MASP2: variants seen among roughly 807,000 people sequenced by gnomAD.
MASP2 encodes the protein MBL associated serine protease 2, also known as mannan-binding lectin serine protease 2.
Under a neutral mutation model 57.1 loss-of-function variants are expected in MASP2, and 49 were observed. That is an observed-to-expected ratio of 0.86 (90% confidence interval 0.68 to 1.09). The LOEUF is 1.09. MASP2 is among the 50% of genes least tolerant of loss of function. MASP2 has a pLI of 0.00. For missense variants in MASP2, 900 were observed against 874.8 expected (o/e 1.03, Z -0.36); for synonymous variants, 379 against 340.8 (o/e 1.11, Z -1.24).
Position 11,045,455 on chromosome 1 carries a change from G to C in MASP2, c.497C>G (p.Ser166Cys). ...CHNHLGGFYC[S>C]CRAGYVLHRN... is the part of the protein sequence containing the mutation. The stretch of plus-strand genomic sequence containing the variant: ...GTGCAGGACGTAGCCTGCGCGGCAG[G>C]AGCAGTAGAAACCGCCCAGGTGGTT... The change falls in exon 4 of 11, where the codon TCC becomes TGC. Residue 166 changes from serine to cysteine, a missense_variant. Transcript: ENST00000400897. The C allele has an allele frequency of 6.2e-7, 1 of 1,613,276 alleles. No homozygotes were observed. The highest frequency in any genetic ancestry group is 1.3e-5 in the African/African-American group (1 of 75,042).
At chr1:11,028,988 T>G (rs1029776205) in intron 10 of MASP2, among the ~76,000 whole-genome samples, 6 of 147,020 alleles carry the variant, frequency 4.1e-5, no homozygotes, top group African/African-American at 1.3e-4. Context: ...GCTGACTTTT[T>G]TTTTCTTTTT....
intron 8 of MASP2, among the ~76,000 whole-genome samples, chr1:11,031,631 C>G (rs1411208709): frequency 6.7e-6 from 1 of 149,234 alleles, no homozygotes; most frequent in Non-Finnish European, 1.5e-5. Context: ...GAAAAGGACA[C>G]GATAGTAAGA....
intron 4 of MASP2, chr1:11,044,919 AGGCCG>A: frequency 6.2e-7 from 1 of 1,604,526 alleles, no homozygotes; most frequent in Non-Finnish European, 8.5e-7. Flanking sequence ...CCTGCTGGGC[AGGCCG>A]GAGCTCCAGG....
intron 4 of MASP2, chr1:11,044,774 A>AACCC: frequency 3.5e-5 from 39 of 1,124,160 alleles, no homozygotes; most frequent in East Asian, 4.4e-5. Context: ...CGACCCTCCC[A>AACCC]CCCCAGAGAC....
Position 11,030,838 on chromosome 1 carries a change from C to G in MASP2, c.1132G>C (p.Glu378Gln). 1 of 1,613,910 alleles carries G rather than the reference C, an allele frequency of 6.2e-7. No individual in the cohort carries two copies. Among genetic ancestry groups the G allele is most frequent in the African/African-American group, 1.3e-5 (1 of 75,020 alleles). ...PPDDLPSGRV[E>Q]YITGPGVTTY... ...GTCACTCCAGGACCTGTGATGTACT[C>G]CACTCGGCCACTGGGTAGATCATCA... The change falls in exon 9 of 11, where the codon GAG becomes CAG. Residue 378 changes from glutamate (E) to glutamine (Q), a missense_variant. Coordinates refer to ENST00000400897, the MANE Select transcript of MASP2 (RefSeq NM_006610.4).
In MASP2 at chr1:11,046,423, T is replaced by C. The variant is rs1638639458; in HGVS notation, c.412+133A>G. On this transcript the variant is annotated intron_variant, in intron 3 of 10. Transcript: ENST00000400897. ...GTTTTGGTCTTTGCATTGTGGATGA[T>C]GTCAGGCCAGAGGCCTCTCCCCTGC... 5 of 969,988 alleles carry C rather than the reference T, an allele frequency of 5.2e-6. No homozygotes were observed. The Admixed American group carries it at 1.0e-4, about 20-fold the overall frequency. The allele number at this position is 969,988 out of a possible 1,614,324, so 60.1% of individuals were successfully genotyped here. A position where few individuals can be genotyped will look rare whatever the true frequency, so the allele number is the denominator to read the frequency against.
At position 11,046,924 on chromosome 1, in the gene MASP2, C is replaced by A; in HGVS notation, c.201G>T (p.Glu67Asp). The change falls in exon 2 of 11, where the codon GAG (glutamate) becomes GAT (aspartate). Residue 67 changes from glutamate to aspartate, a missense_variant. Physicochemically the swap from Glu to Asp is conservative, Grantham distance 45 (BLOSUM62 2). Coordinates refer to ENST00000400897, the MANE Select transcript of MASP2 (RefSeq NM_006610.4). The part of the protein sequence containing the change: ...LRLYFTHFDL[E>D]LSHLCEYDFV... ...AGTCGTACTCGCAGAGGTGGGAGAG[C>A]TCCAGGTCGAAGTGGGTGAAGTAGA... is the stretch of plus-strand genomic sequence containing the variant. 6.4e-7 allele frequency: 1 copy of A among 1,572,374 alleles called. No individual in the cohort carries two copies. The highest frequency in any genetic ancestry group is 8.6e-7 in the Non-Finnish European group (1 of 1,158,600).
Position 11,027,018 on chromosome 1 carries a change from T to G in MASP2, c.1928A>C (p.Glu643Ala), listed in dbSNP as rs1643745418. ...SGGALVFLDS[E>A]TERWFVGGIV... is the part of the protein sequence containing the mutation. ...TCCTCCCACAAACCACCTCTCTGTT[T>G]CACTATCTAGAAACACCAGTGCCCC... Residue 643 changes from glutamate to alanine, a missense_variant, in exon 11 of 11, where the codon GAA becomes GCA. Glu to Ala is a moderately radical substitution (Grantham distance 107). Coordinates refer to ENST00000400897, the MANE Select transcript of MASP2 (RefSeq NM_006610.4). 3 of 1,598,934 alleles carry G rather than the reference T, an allele frequency of 1.9e-6. No homozygotes were observed. The highest frequency in any genetic ancestry group is 2.7e-5 in the African/African-American group (2 of 74,508).
At chr1:11,041,580 G>C (rs1355414045) in intron 6 of MASP2, among the ~76,000 whole-genome samples, 1 of 123,056 alleles carries the variant, frequency 8.1e-6, no homozygotes, top group Non-Finnish European at 1.7e-5. Flanking sequence ...GAATAAGTGG[G>C]TGGGTGGGTG....
At chr1:11,044,777 CCAG>C in intron 4 of MASP2, 1 of 1,402,712 alleles carries the variant, frequency 7.1e-7, no homozygotes, top group Non-Finnish European at 9.5e-7. Flanking sequence ...CCCTCCCACC[CCAG>C]AGACACGTGG....
At chr1:11,040,338 G>T (rs1006345222) in intron 6 of MASP2, among the ~76,000 whole-genome samples, 20 of 151,574 alleles carry the variant, frequency 1.3e-4, no homozygotes, top group African/African-American at 4.1e-4. Context: ...GCATGGTGGC[G>T]CATGCCTGTA....
Position 11,045,556 on chromosome 1 carries a change from G to T in MASP2, c.413-17C>A, listed in dbSNP as rs1570757558. Reference sequence around the variant, plus strand: ...CGTCAATGTCTGGGGGAGAGGCAGGGCCAGGCAGGCCGTCAGGAGGGAAAG... The same window carrying T: ...CGTCAATGTCTGGGGGAGAGGCAGGTCCAGGCAGGCCGTCAGGAGGGAAAG... On this transcript the variant is annotated splice_polypyrimidine_tract_variant and intron_variant, in intron 3 of 10. Transcript: ENST00000400897. 3.1e-6 allele frequency: 5 copies of T among 1,596,118 alleles called. No individual in the cohort carries two copies. The East Asian group carries it at 1.1e-4, about 36-fold the overall frequency.
chr1:11,030,595 CT>C, intron 9 of MASP2, 152 bp downstream of exon 9: 1 of 821,642 alleles, frequency 1.2e-6, no homozygotes, highest in Non-Finnish European at 1.8e-6. Context: ...ATTAAAGTCA[CT>C]TTAGCTATAA....
rs1299530848 is a variant in MASP2 at position 11,027,251 on chromosome 1, A to G, written c.1695T>C (p.Asp565=). The G allele has an allele frequency of 3.7e-6, 6 of 1,614,190 alleles. No homozygotes were observed. The highest frequency in any genetic ancestry group is 4.2e-6 in the Non-Finnish European group (5 of 1,180,040). The change falls in exon 11 of 11, where the codon GAT becomes GAC. Residue 565 remains aspartate (D), a synonymous_variant. Coordinates refer to ENST00000400897, the MANE Select transcript of MASP2 (RefSeq NM_006610.4). Reference sequence around the variant, plus strand: ...CCCATCCAGATGCAGTTCCAATGTCATCTGTCCTCATAAAGGATTCAGCTT... The same window carrying G: ...CCCATCCAGATGCAGTTCCAATGTCGTCTGTCCTCATAAAGGATTCAGCTT... ...RKEAESFMRT[D]DIGTASGWGL...
At chr1:11,037,574 C>A in intron 7 of MASP2, 119 bp downstream of exon 7, 1 of 637,072 alleles carries the variant, frequency 1.6e-6, no homozygotes, top group Non-Finnish European at 2.6e-6. Context: ...TAAAGATAGA[C>A]AAAAGAAATC....
intron 6 of MASP2, among the ~76,000 whole-genome samples, chr1:11,040,945 A>C (rs1638406491): frequency 1.4e-5 from 2 of 146,028 alleles, no homozygotes; most frequent in South Asian, 4.5e-4. Flanking sequence ...GTGGGTAGAT[A>C]GATAGCTGGA....
At chr1:11,044,789 G>GCT in intron 4 of MASP2, 1 of 1,338,856 alleles carries the variant, frequency 7.5e-7, no homozygotes, top group Non-Finnish European at 9.9e-7. Context: ...AGAGACACGT[G>GCT]GCAGCAGGTG....
Position 11,026,667 on chromosome 1 carries a change from T to TGTA in MASP2, c.*217_*218insTAC. 4 of 382,720 alleles carry TGTA rather than the reference T, an allele frequency of 1.0e-5. No homozygotes were observed. The highest frequency in any genetic ancestry group is 1.4e-5 in the Non-Finnish European group (3 of 216,436). 23.7% of individuals were successfully genotyped at this position (382,720 alleles called of 1,614,324 possible). ...TACACTGGGTGGGCAAAGATGACTG[T>TGTA]CACTCTCGTGGTTTATGTCCCCTTG... On this transcript the variant is annotated 3_prime_UTR_variant, in exon 11 of 11. Transcript: ENST00000400897.
intron 4 of MASP2, chr1:11,045,207 G>C: frequency 1.2e-6 from 1 of 824,838 alleles, no homozygotes; most frequent in Non-Finnish European, 2.0e-6. Flanking sequence ...AGTCTCAGTC[G>C]CTAGGGCAGG....
Sources: gnomAD v4.1 joint callset for allele counts (sites outside exome capture counted in the v4.1 genomes callset) on GRCh38, gnomAD v4.1.1 for gene constraint, MANE v1.5 for transcripts, NCBI Gene and HGNC (gene_info 2026-07-23, HGNC 2026-07-21) for gene names.